SLC22A13: variants seen among roughly 807,000 people sequenced by gnomAD.
SLC22A13 encodes solute carrier family 22 member 13.
A neutral mutation model predicts 49.1 loss-of-function variants in SLC22A13; 42 were observed. The ratio of observed to expected loss-of-function variants is 0.85; its 90% CI spans 0.67 to 1.11. The LOEUF (loss-of-function observed/expected upper bound fraction) is 1.11, where lower values mean the gene tolerates loss of function less well. SLC22A13 is among the 50% of genes least tolerant of loss of function. The probability of loss-of-function intolerance (pLI) is 0.00; values close to 1 mark genes in which losing one functional copy is unlikely to be tolerated. For missense variants in SLC22A13, 694 were observed against 712.8 expected, an observed-to-expected ratio of 0.97 and a Z score of 0.30; for synonymous variants, 282 against 293.1, an observed-to-expected ratio of 0.96 and a Z score of 0.39.
At chr3:38,272,065 C>T (rs181649902) in intron 1 of SLC22A13, among the ~76,000 whole-genome samples, 2 of 152,320 alleles carry the variant, frequency 1.3e-5, no homozygotes, top group East Asian at 3.9e-4. Flanking sequence ...CATATCTCGG[C>T]GCCTCTCCAA....
rs1703554068 is a variant in SLC22A13 at position 38,274,487 on chromosome 3, C to T, written c.482+112C>T. On this transcript the variant is annotated intron_variant, in intron 2 of 9. Transcript: ENST00000311856. Reference sequence around the variant, plus strand: ...GCCTTTAGGCAAGGCCCTCTTCCCCCTACCCTCAAATGGGGCTCAGACAGA... The same window carrying T: ...GCCTTTAGGCAAGGCCCTCTTCCCCTTACCCTCAAATGGGGCTCAGACAGA... 3.5e-6 allele frequency: 5 copies of T among 1,447,160 alleles called. No homozygotes were observed. In the South Asian group the frequency reaches 3.5e-5, roughly 10 times the overall value. 89.6% of individuals were successfully genotyped at this position (1,447,160 alleles called of 1,614,324 possible).
At position 38,275,434 on chromosome 3, in the gene SLC22A13, A is replaced by T; in HGVS notation, c.871A>T (p.Ile291Phe). The change falls in exon 5 of 10, where the codon ATC becomes TTC. Residue 291 changes from isoleucine (I) to phenylalanine (F), a missense_variant. By Grantham distance (21) the Ile-to-Phe change is conservative (BLOSUM62 0). Coordinates refer to ENST00000311856, the MANE Select transcript of SLC22A13 (RefSeq NM_004256.4). ...GAGGATGGACGAGGCGATACAACTG[A>T]TCCAGAAGGCGGCCTCGGTCAATAG... ...RGRMDEAIQLIQKAASVNRRK... is the reference protein window; with the variant it reads ...RGRMDEAIQLFQKAASVNRRK... 1 of 1,614,190 alleles carries T rather than the reference A, an allele frequency of 6.2e-7. No individual in the cohort carries two copies. The highest frequency in any genetic ancestry group is 8.5e-7 in the Non-Finnish European group (1 of 1,180,032).
At chr3:38,267,074 C>T (rs564415872) in intron 1 of SLC22A13, among the ~76,000 whole-genome samples, 2 of 152,296 alleles carry the variant, frequency 1.3e-5, no homozygotes, top group South Asian at 4.1e-4. Flanking sequence ...ACCTGAGGGG[C>T]ATGGGTGCTT....
In SLC22A13 at chr3:38,275,611, G is replaced by T. The variant is rs1381576416; in HGVS notation, c.961G>T (p.Ala321Ser). 1 of 1,614,200 alleles carries T rather than the reference G, an allele frequency of 6.2e-7. No homozygotes were observed. The highest frequency in any genetic ancestry group is 8.5e-7 in the Non-Finnish European group (1 of 1,180,030). ...VPEKTGPSGNALDLFRHPQLR... is the reference protein window; with the variant it reads ...VPEKTGPSGNSLDLFRHPQLR... The stretch of plus-strand genomic sequence containing the variant: ...AGAGAAGACAGGCCCCTCAGGGAAT[G>T]CCCTGGATCTGTTCAGACACCCCCA... Residue 321 changes from alanine to serine, a missense_variant, in exon 6 of 10, where the codon GCC becomes TCC. By Grantham distance (99) the Ala-to-Ser change is moderately conservative. Coordinates refer to ENST00000311856, the MANE Select transcript of SLC22A13 (RefSeq NM_004256.4).
chr3:38,277,103 A>G lies in SLC22A13; in HGVS notation c.1538A>G (p.Asp513Gly). 1 of 1,568,994 alleles carries G rather than the reference A, an allele frequency of 6.4e-7. No homozygotes were observed. Among genetic ancestry groups the G allele is most frequent in the Non-Finnish European group, 8.6e-7 (1 of 1,156,788 alleles). The change falls in exon 9 of 10, where the codon GAC (aspartate) becomes GGC (glycine). Residue 513 changes from aspartate (D) to glycine (G), a missense_variant. Physicochemically the swap from Asp to Gly is moderately conservative, Grantham distance 94. Coordinates refer to ENST00000311856, the MANE Select transcript of SLC22A13 (RefSeq NM_004256.4). ...HGQGLKDTLQ[D>G]LELGPHPRSP... ...CAGGGCCTGAAAGACACCCTCCAGG[A>G]CCTGGAGCTGGGGCCTCACCCACGG...
chr3:38,276,365 A>T lies in SLC22A13; in HGVS notation c.1316A>T (p.Tyr439Phe), dbSNP rs750195900. The change falls in exon 8 of 10, where the codon TAC becomes TTC. Residue 439 changes from tyrosine to phenylalanine, a missense_variant. Physicochemically the swap from Tyr to Phe is conservative, Grantham distance 22 (BLOSUM62 3). Coordinates refer to ENST00000311856, the MANE Select transcript of SLC22A13 (RefSeq NM_004256.4). ...GCTGCCTTTACCATCTCCTATGTGT[A>T]CTCTGCCGAGCTTTTCCCCACCATC... Reference protein sequence around the residue: ...TAAAFTISYVYSAELFPTILR... With the variant: ...TAAAFTISYVFSAELFPTILR... The T allele has an allele frequency of 2.0e-5, 32 of 1,612,800 alleles. 1 individual carries two copies. In the South Asian group the frequency reaches 3.4e-4, roughly 17 times the overall value.
chr3:38,275,238 T>C (rs896167372), intron 4 of SLC22A13, 81 bp downstream of exon 4: 10 of 1,593,534 alleles, frequency 6.3e-6, no homozygotes, highest in African/African-American at 1.3e-5. Context: ...CCCATGTTCA[T>C]AGGACAGTCA....
chr3:38,274,562 TC>T, intron 2 of SLC22A13, 41 bp from the exon 3 acceptor site: 1 of 1,600,052 alleles, frequency 6.2e-7, no homozygotes, highest in Non-Finnish European at 8.5e-7. Flanking sequence ...TCAGATGCCT[TC>T]CGGGAGGGAC....
In SLC22A13 at chr3:38,277,249, C is replaced by T. The variant is rs548587186; in HGVS notation, c.1562+122C>T. ...GCCTAGAGGCTAATATGGGGTCCTC[C>T]AGAACCACAGACATCTGGCTGGCTT... On this transcript the variant is annotated intron_variant, in intron 9 of 9. Coordinates refer to ENST00000311856, the MANE Select transcript of SLC22A13 (RefSeq NM_004256.4). 1.4e-5 allele frequency: 15 copies of T among 1,099,366 alleles called. No homozygotes were observed. In the African/African-American group the frequency reaches 1.6e-4, roughly 11 times the overall value. The allele number at this position is 1,099,366 out of a possible 1,614,324, so 68.1% of individuals were successfully genotyped here.
At position 38,275,074 on chromosome 3, in the gene SLC22A13, G is replaced by T; in HGVS notation, c.723G>T (p.Ala241=). The T allele has an allele frequency of 1.2e-6, 2 of 1,614,240 alleles. No homozygotes were observed. The highest frequency in any genetic ancestry group is 2.7e-5 in the African/African-American group (2 of 75,068). ...CNFSLGQMVL[A]GLAYGFRNWR... ...TCTCCCTCGGGCAGATGGTGCTTGC[G>T]GGACTCGCCTACGGTTTCCGCAACT... Residue 241 remains alanine, a synonymous_variant, in exon 4 of 10, where the codon GCG becomes GCT. Transcript: ENST00000311856.
At chr3:38,276,122 C>T (rs375827069) in intron 7 of SLC22A13, 26 bp downstream of exon 7, 104 of 1,589,124 alleles carry the variant, frequency 6.5e-5, no homozygotes, top group East Asian at 2.9e-4. Context: ...ATCCCTCACC[C>T]GCATGCCCCC....
chr3:38,277,293 C>T (rs1703599251), intron 9 of SLC22A13, 79 bp from the exon 10 acceptor site: 3 of 1,236,414 alleles, frequency 2.4e-6, no homozygotes, highest in South Asian at 2.7e-5. Context: ...ATTCCCCTTA[C>T]TTTGAGGAGG....
intron 1 of SLC22A13, among the ~76,000 whole-genome samples, chr3:38,273,501 G>A (rs1443637331): frequency 6.6e-6 from 1 of 152,122 alleles, no homozygotes; most frequent in Non-Finnish European, 1.5e-5. Context: ...GTGAATGGTG[G>A]GTACTTCAGG....
rs188156200 is a variant in SLC22A13 at position 38,275,475 on chromosome 3, G to A, written c.912G>A (p.Pro304=). The A allele has an allele frequency of 3.2e-4, 511 of 1,614,176 alleles. 10 individuals carry two copies. In the East Asian group the frequency reaches 8.2e-3, roughly 26 times the overall value. ...CGGTCAATAGGCGGAAACTCTCCCC[G>A]GAGCTCATGAACCAGGTACTTCCAG... ...AASVNRRKLS[P]ELMNQLVPEK... is the part of the protein sequence containing the mutation. Residue 304 remains proline, a synonymous_variant, in exon 5 of 10, where the codon CCG becomes CCA. Coordinates refer to ENST00000311856, the MANE Select transcript of SLC22A13 (RefSeq NM_004256.4).
chr3:38,266,123 C>A lies in SLC22A13; in HGVS notation c.263C>A (p.Pro88Gln), dbSNP rs1207958962. ...GHPEPCLMFR[P>Q]PPANASLQDI... is the part of the protein sequence containing the mutation. ...CCAGAGCCCTGCCTCATGTTCCGGC[C>A]ACCCCCCGCCAATGCCAGCCTGCAG... Residue 88 changes from proline (P) to glutamine (Q), a missense_variant, in exon 1 of 10, where the codon CCA becomes CAA. Transcript: ENST00000311856. 1.2e-6 allele frequency: 2 copies of A among 1,614,122 alleles called. No individual in the cohort carries two copies. The highest frequency in any genetic ancestry group is 4.5e-5 in the East Asian group (2 of 44,866).
At chr3:38,275,811 C>A in intron 6 of SLC22A13, 71 bp from the exon 7 acceptor site, 1 of 1,524,020 alleles carries the variant, frequency 6.6e-7, no homozygotes, top group Non-Finnish European at 9.0e-7. Flanking sequence ...TGACTGCTGA[C>A]CAAGGCAGGC....
Position 38,277,679 on chromosome 3 carries a change from C to G in SLC22A13, c.*214C>G, listed in dbSNP as rs1703603750. 1 of 495,322 alleles carries G rather than the reference C, an allele frequency of 2.0e-6. No individual in the cohort carries two copies. The highest frequency in any genetic ancestry group is 1.9e-5 in the African/African-American group (1 of 51,656). The allele number at this position is 495,322 out of a possible 1,614,324, so 30.7% of individuals were successfully genotyped here. On this transcript the variant is annotated 3_prime_UTR_variant, in exon 10 of 10. Coordinates refer to ENST00000311856, the MANE Select transcript of SLC22A13 (RefSeq NM_004256.4). The stretch of plus-strand genomic sequence containing the variant: ...GGACCTCCCGGCCTCCTTCACCTTT[C>G]TCATCTCCAGAGCCCTGCCCCCAAT...
chr3:38,276,779 C>T, intron 8 of SLC22A13, 133 bp from the exon 9 acceptor site: 1 of 748,908 alleles, frequency 1.3e-6, no homozygotes, highest in Non-Finnish European at 2.2e-6. Context: ...AGCAGGAACG[C>T]TGGCTGGGCT....
chr3:38,274,870 T>A, intron 3 of SLC22A13, 112 bp downstream of exon 3: 1 of 1,538,508 alleles, frequency 6.5e-7, no homozygotes, highest in Non-Finnish European at 8.9e-7. Flanking sequence ...ACATCTGAAG[T>A]GGTCGCACTG....
Sources: allele counts gnomAD v4.1 joint callset (sites outside exome capture counted in the v4.1 genomes callset), GRCh38; gene constraint gnomAD v4.1.1; transcripts MANE v1.5; gene names NCBI Gene and HGNC (gene_info 2026-07-23, HGNC 2026-07-21).